Variants in PBX1 observed in about 807,000 individuals in gnomAD.
PBX1 encodes the protein PBX homeobox 1.
In PBX1, 6 loss-of-function variants were observed where a neutral mutation model predicts 53.4. The ratio of observed to expected loss-of-function variants is 0.11; its 90% CI spans 0.06 to 0.22. The LOEUF (loss-of-function observed/expected upper bound fraction) is 0.22. Ranked by LOEUF, PBX1 falls within the 10% of genes least tolerant of loss-of-function variation. The pLI is 1.00. For synonymous variants in PBX1, 204 were observed against 212.3 expected, an observed-to-expected ratio of 0.96 and a Z score of 0.34; for missense variants, 251 against 551.4, an observed-to-expected ratio of 0.46 and a Z score of 5.46.
chr1:164,590,644 CTTTT>C (rs1655309883), intron 2 of PBX1, among the ~76,000 whole-genome samples: 1 of 152,052 alleles, frequency 6.6e-6, no homozygotes, highest in Non-Finnish European at 1.5e-5. Flanking sequence ...AAAGTGTATG[CTTTT>C]ACCTAGCCCT....
intron 8 of PBX1, among the ~76,000 whole-genome samples, chr1:164,831,800 AG>A (rs1670779791): frequency 6.6e-6 from 1 of 152,180 alleles, no homozygotes; most frequent in South Asian, 2.1e-4. Context: ...TCCACAGAAT[AG>A]TCTGTTCTTT....
At chr1:164,628,253 A>G (rs964820872) in intron 2 of PBX1, among the ~76,000 whole-genome samples, 1 of 152,248 alleles carries the variant, frequency 6.6e-6, no homozygotes, top group Admixed American at 6.5e-5. Context: ...TAATGAGACT[A>G]TAAATCAGTT....
chr1:164,639,734 C>T (rs1357454562), intron 2 of PBX1: 1 of 152,242 alleles, frequency 6.6e-6, no homozygotes, highest in Admixed American at 6.5e-5. Context: ...ATGACCATGG[C>T]TCTCTGCAGC....
At chr1:164,652,479 G>T (rs1171028690) in intron 2 of PBX1, among the ~76,000 whole-genome samples, 3 of 152,076 alleles carry the variant, frequency 2.0e-5, no homozygotes, top group African/African-American at 7.2e-5. Flanking sequence ...ACCATTAATA[G>T]ATTCTTCCCA....
chr1:164,790,764 G>A (rs904932673), intron 2 of PBX1, among the ~76,000 whole-genome samples: 2 of 152,194 alleles, frequency 1.3e-5, no homozygotes, highest in African/African-American at 2.4e-5. Flanking sequence ...TTTGCTGCCT[G>A]TTGGCAGCCA....
intron 2 of PBX1, among the ~76,000 whole-genome samples, chr1:164,659,747 G>A (rs138728472): frequency 6.6e-6 from 1 of 152,176 alleles, no homozygotes; most frequent in South Asian, 2.1e-4. Flanking sequence ...CTTGTGTTTT[G>A]AGGGAGCTAA....
chr1:164,753,268 T>A (rs919988225), intron 2 of PBX1, among the ~76,000 whole-genome samples: 1 of 152,226 alleles, frequency 6.6e-6, no homozygotes, highest in African/African-American at 2.4e-5. Context: ...TTCTGAGATG[T>A]TTTAGGTGGT....
intron 2 of PBX1, among the ~76,000 whole-genome samples, chr1:164,876,675 C>G (rs574155545): frequency 6.6e-6 from 1 of 152,094 alleles, no homozygotes; most frequent in South Asian, 2.1e-4. Context: ...GGAATAAAGC[C>G]GAATGCATTA....
At chr1:164,876,349 C>G (rs1380600498) in intron 2 of PBX1, among the ~76,000 whole-genome samples, 3 of 151,080 alleles carry the variant, frequency 2.0e-5, no homozygotes, top group African/African-American at 7.3e-5. Flanking sequence ...GCTAGGAGGC[C>G]GGGCCTCCTG....
chr1:164,683,471 A>T (rs1453339866), intron 2 of PBX1: 1 of 152,208 alleles, frequency 6.6e-6, no homozygotes. Context: ...ATGTATGACA[A>T]CTGAGGCTCC....
intron 2 of PBX1, among the ~76,000 whole-genome samples, chr1:164,776,523 TGA>T: frequency 6.6e-6 from 1 of 152,248 alleles, no homozygotes; most frequent in African/African-American, 2.4e-5. Context: ...TTTTCCTTTT[TGA>T]GTCCTCTTTG....
rs546775623 is a variant in PBX1 at position 164,873,617 on chromosome 1, G to T, written n.258-25571G>T. On this transcript the variant is annotated intron_variant and non_coding_transcript_variant, in intron 2 of 2. Transcript: ENST00000558796. ...CTGGGAGATGGGGGGCAGGGGTAGG[G>T]GTTGGTGGTGACACCTTATTTCACC... is the stretch of plus-strand genomic sequence containing the variant. Among the ~76,000 whole-genome samples, 10 of 152,264 alleles carry T rather than the reference G, an allele frequency of 6.6e-5. No homozygotes were observed. In the South Asian group the frequency reaches 2.1e-3, roughly 32 times the overall value.
chr1:164,743,774 A>G (rs1472891942), intron 2 of PBX1, among the ~76,000 whole-genome samples: 1 of 152,174 alleles, frequency 6.6e-6, no homozygotes, highest in African/African-American at 2.4e-5. Context: ...GGCAAAAAGG[A>G]AGGAAGGAGA....
chr1:164,689,081 C>G (rs561362808), intron 2 of PBX1, among the ~76,000 whole-genome samples: 1 of 152,204 alleles, frequency 6.6e-6, no homozygotes, highest in African/African-American at 2.4e-5. Context: ...AATTGGGACT[C>G]GCCAAAGTGT....
intron 2 of PBX1, among the ~76,000 whole-genome samples, chr1:164,783,480 A>G (rs1354279653): frequency 6.6e-6 from 1 of 152,190 alleles, no homozygotes; most frequent in Non-Finnish European, 1.5e-5. Context: ...CCTAACGCGC[A>G]GAAAAACCAA....
chr1:164,711,341 G>A (rs1307669864), intron 2 of PBX1, among the ~76,000 whole-genome samples: 1 of 152,166 alleles, frequency 6.6e-6, no homozygotes, highest in African/African-American at 2.4e-5. Flanking sequence ...TCGGCTCACT[G>A]CAAGCTCTGC....
intron 2 of PBX1, among the ~76,000 whole-genome samples, chr1:164,593,896 A>T (rs1016249232): frequency 6.6e-6 from 1 of 152,112 alleles, no homozygotes; most frequent in Non-Finnish European, 1.5e-5. Flanking sequence ...GAGTTCATTC[A>T]TGCCTGTAAG....
At chr1:164,812,296 A>C in intron 6 of PBX1, 147 bp downstream of exon 6, 1 of 785,636 alleles carries the variant, frequency 1.3e-6, no homozygotes, top group Non-Finnish European at 1.9e-6. Context: ...TGTTAATGTC[A>C]CTTTGGGCTC....
Position 164,849,483 on chromosome 1 carries a change from G to C in PBX1, c.*2807G>C. ...GAAAGAGCATGCCTCTGGAAACACAGCTTCCTGGGAATTCACATGAGGCCA... is the reference window on the plus strand; with the variant it reads ...GAAAGAGCATGCCTCTGGAAACACACCTTCCTGGGAATTCACATGAGGCCA... On this transcript the variant is annotated 3_prime_UTR_variant, in exon 9 of 9. Transcript: ENST00000420696. The C allele has an allele frequency of 6.5e-7, 1 of 1,530,070 alleles. No homozygotes were observed. Among genetic ancestry groups the C allele is most frequent in the Non-Finnish European group, 8.8e-7 (1 of 1,142,700 alleles). 94.8% of individuals were successfully genotyped at this position (1,530,070 alleles called of 1,614,324 possible).
Sources: allele counts gnomAD v4.1 joint callset (sites outside exome capture counted in the v4.1 genomes callset), GRCh38; gene constraint gnomAD v4.1.1; transcripts MANE v1.5; gene names NCBI Gene and HGNC (gene_info 2026-07-23, HGNC 2026-07-21).